HMCN2: variants seen among roughly 807,000 people sequenced by gnomAD.
HMCN2 encodes hemicentin 2.
A neutral mutation model predicts 377.5 loss-of-function variants in HMCN2; 325 were observed. That is an observed-to-expected ratio of 0.86 (90% confidence interval 0.79 to 0.94). The LOEUF is 0.94. Ranked by LOEUF, HMCN2 falls within the 40% of genes least tolerant of loss-of-function variation. HMCN2 has a pLI of 0.00. For synonymous variants in HMCN2, 2,007 were observed against 2,046.8 expected (o/e 0.98, Z 0.53); for missense variants, 4,543 against 4,725.3 (o/e 0.96, Z 1.13).
At chr9:130,433,167 G>C (rs1844864795) in intron 97 of HMCN2, 181 bp from the exon 98 acceptor site, 1 of 507,882 alleles carries the variant, frequency 2.0e-6, no homozygotes, top group Admixed American at 4.2e-5. Context: ...TCAGTTTGTT[G>C]AACTCTAAAA....
At chr9:130,341,612 C>T (rs1256303211) in intron 24 of HMCN2, among the ~76,000 whole-genome samples, 2 of 152,194 alleles carry the variant, frequency 1.3e-5, no homozygotes, top group African/African-American at 2.4e-5. Context: ...CAGGGATTCC[C>T]TGTACTCCTT....
chr9:130,285,873 G>A (rs1835386105), intron 3 of HMCN2, among the ~76,000 whole-genome samples: 2 of 152,166 alleles, frequency 1.3e-5, no homozygotes, highest in Non-Finnish European at 2.9e-5. Context: ...TAAGTCTGCA[G>A]CCTCCAGGGG....
At position 130,400,772 on chromosome 9, in the gene HMCN2, T is replaced by A. The variant is rs1291825900; in HGVS notation, c.11606-11T>A. 1.6e-6 allele frequency: 2 copies of A among 1,281,562 alleles called. No individual in the cohort carries two copies. The highest frequency in any genetic ancestry group is 2.0e-6 in the Non-Finnish European group (2 of 984,756). The allele number at this position is 1,281,562 out of a possible 1,614,324, so 79.4% of individuals were successfully genotyped here. ...CGCCGGCAGGGCCTCAAGCCTTGTC[T>A]TGGGTTTTAGTGCCTCCCACCATTG... On this transcript the variant is annotated splice_polypyrimidine_tract_variant and intron_variant, in intron 76 of 97. Transcript: ENST00000683500.
intron 71 of HMCN2, 83 bp downstream of exon 71, chr9:130,395,430 A>T: frequency 8.5e-7 from 1 of 1,173,622 alleles, no homozygotes; most frequent in Non-Finnish European, 1.1e-6. Context: ...CAAGATCCAG[A>T]GCGGGTGCCA....
chr9:130,287,671 C>T (rs1206081042), intron 4 of HMCN2, among the ~76,000 whole-genome samples: 1 of 152,096 alleles, frequency 6.6e-6, no homozygotes, highest in East Asian at 1.9e-4. Flanking sequence ...GTCACTAGGC[C>T]GTGAAGTTTC....
intron 36 of HMCN2, 121 bp downstream of exon 36, chr9:130,358,607 T>C (rs1840181828): frequency 1.2e-6 from 1 of 859,410 alleles, no homozygotes; most frequent in Non-Finnish European, 1.7e-6. Context: ...AGTTGTGCAC[T>C]TAACTTCAGA....
At chr9:130,330,349 G>A (rs1010261470) in intron 22 of HMCN2, among the ~76,000 whole-genome samples, 34 of 152,204 alleles carry the variant, frequency 2.2e-4, no homozygotes, top group African/African-American at 7.9e-4. Context: ...GAGCCTCTGC[G>A]GCCCCCTCCA....
intron 31 of HMCN2, 29 bp from the exon 32 acceptor site, chr9:130,354,734 C>A: frequency 7.9e-7 from 1 of 1,269,846 alleles, no homozygotes; most frequent in Non-Finnish European, 1.0e-6. Flanking sequence ...CAGCTGTGGT[C>A]CCCAAGCCGC....
chr9:130,316,979 G>A (rs1837594550), intron 15 of HMCN2, among the ~76,000 whole-genome samples: 1 of 152,170 alleles, frequency 6.6e-6, no homozygotes, highest in African/African-American at 2.4e-5. Context: ...GGGGGCTCCA[G>A]GTTAGCAGGG....
intron 22 of HMCN2, among the ~76,000 whole-genome samples, chr9:130,334,703 TTCTTTCTC>T (rs1257205055): frequency 6.9e-6 from 1 of 145,968 alleles, no homozygotes; most frequent in African/African-American, 2.5e-5. Context: ...CTTTCTTTCT[TTCTTTCTC>T]TCTCTCTCTC....
At chr9:130,430,009 T>TGG in intron 94 of HMCN2, 1 of 592,540 alleles carries the variant, frequency 1.7e-6, no homozygotes, top group Non-Finnish European at 3.0e-6. Flanking sequence ...GGAGAGGGAA[T>TGG]GGATCTAACT....
chr9:130,287,312 G>T (rs1012936686), intron 4 of HMCN2, among the ~76,000 whole-genome samples: 4 of 151,958 alleles, frequency 2.6e-5, no homozygotes, highest in Admixed American at 1.3e-4. Context: ...TCTCTCCAAT[G>T]TCCTACGCTC....
intron 1 of HMCN2, among the ~76,000 whole-genome samples, chr9:130,268,918 C>T (rs1185166549): frequency 6.7e-6 from 1 of 148,840 alleles, no homozygotes; most frequent in African/African-American, 2.4e-5. Context: ...TGTGAACAGC[C>T]ACCGAGGGCT....
At chr9:130,388,178 G>A (rs1188055898) in intron 61 of HMCN2, among the ~76,000 whole-genome samples, 2 of 152,182 alleles carry the variant, frequency 1.3e-5, no homozygotes, top group Non-Finnish European at 2.9e-5. Context: ...TAAGGACTGT[G>A]GGTGAGTGAG....
intron 25 of HMCN2, among the ~76,000 whole-genome samples, chr9:130,344,280 GTGTA>G (rs1197097502): frequency 1.3e-5 from 2 of 152,040 alleles, no homozygotes; most frequent in Non-Finnish European, 2.9e-5. Context: ...TGTGTAGTGT[GTGTA>G]TGTGGTGTAT....
chr9:130,287,328 C>T (rs1170497238), intron 4 of HMCN2, among the ~76,000 whole-genome samples: 2 of 152,110 alleles, frequency 1.3e-5, no homozygotes, highest in Non-Finnish European at 2.9e-5. Context: ...CGCTCCTCCC[C>T]GCCCGGGGCC....
chr9:130,374,130 A>C (rs1342646527), intron 48 of HMCN2, among the ~76,000 whole-genome samples: 1 of 150,374 alleles, frequency 6.7e-6, no homozygotes, highest in Non-Finnish European at 1.5e-5. Flanking sequence ...TGTGTGGACG[A>C]ATAGAGAGAT....
intron 97 of HMCN2, 88 bp downstream of exon 97, chr9:130,432,643 C>T (rs1844831885): frequency 7.3e-7 from 1 of 1,377,410 alleles, no homozygotes; most frequent in Non-Finnish European, 9.9e-7. Flanking sequence ...GTCATTGTCA[C>T]TCCCCACACA....
intron 6 of HMCN2, among the ~76,000 whole-genome samples, 198 bp downstream of exon 6, chr9:130,295,970 G>A (rs1307761521): frequency 6.6e-6 from 1 of 152,222 alleles, no homozygotes; most frequent in Non-Finnish European, 1.5e-5. Flanking sequence ...GGAAGAAATA[G>A]AGTGGTTTGG....
Sources: gnomAD v4.1 joint callset for allele counts (sites outside exome capture counted in the v4.1 genomes callset) on GRCh38, gnomAD v4.1.1 for gene constraint, MANE v1.5 for transcripts, NCBI Gene and HGNC (gene_info 2026-07-23, HGNC 2026-07-21) for gene names.